SH3PXD2A: variants seen among roughly 807,000 people sequenced by gnomAD.
The protein encoded by SH3PXD2A is SH3 and PX domains 2A.
In SH3PXD2A, 32 loss-of-function variants were observed where a neutral mutation model predicts 115.2. The ratio of observed to expected loss-of-function variants is 0.28; its 90% CI spans 0.21 to 0.37. SH3PXD2A has a LOEUF of 0.37. Among genes scored for constraint, SH3PXD2A ranks in the 10% least tolerant of loss-of-function variants. The pLI is 1.00. For missense variants in SH3PXD2A, 1,328 were observed against 1,498.7 expected, an observed-to-expected ratio of 0.89 and a Z score of 1.88; for synonymous variants, 610 against 629.1, an observed-to-expected ratio of 0.97 and a Z score of 0.45.
rs140528695 is a variant in SH3PXD2A at position 103,647,138 on chromosome 10, C to T, written c.604+13845G>A. Among the ~76,000 whole-genome samples, 613 of 152,226 alleles carry T rather than the reference C, an allele frequency of 4.0e-3. 30 individuals carry two copies. Among genetic ancestry groups the T allele is most frequent in the Admixed American group, 0.037 (568 of 15,288 alleles). On this transcript the variant is annotated intron_variant, in intron 8 of 14. Coordinates refer to ENST00000369774, the MANE Select transcript of SH3PXD2A (RefSeq NM_001394015.1). ...CAGGCCAAGATACCCCCAATGAGTC[C>T]CAGCTGTCACCCATGAGGAGCCACA...
intron 8 of SH3PXD2A, among the ~76,000 whole-genome samples, chr10:103,654,467 C>T (rs769591424): frequency 4.6e-5 from 7 of 152,182 alleles, no homozygotes; most frequent in African/African-American, 9.7e-5. Context: ...GTCCCAGGGT[C>T]GATCTGTGGC....
chr10:103,618,378 C>A (rs1340447770), intron 10 of SH3PXD2A, among the ~76,000 whole-genome samples: 3 of 152,192 alleles, frequency 2.0e-5, no homozygotes, highest in Non-Finnish European at 4.4e-5. Flanking sequence ...ATAGGTAGAC[C>A]CCAGAGCTGA....
chr10:103,654,146 G>A (rs149826180), intron 8 of SH3PXD2A, among the ~76,000 whole-genome samples: 6 of 152,062 alleles, frequency 3.9e-5, no homozygotes, highest in Non-Finnish European at 5.9e-5. Context: ...GACCATCAGC[G>A]TGGGGTTGTC....
intron 13 of SH3PXD2A, among the ~76,000 whole-genome samples, chr10:103,610,563 A>G (rs1473573548): frequency 1.3e-5 from 2 of 151,924 alleles, no homozygotes; most frequent in African/African-American, 4.8e-5. Context: ...TGGAGGGCCT[A>G]CTCTTCCATA....
At position 103,796,336 on chromosome 10, in the gene SH3PXD2A, C is replaced by T. The variant is rs189991791; in HGVS notation, c.153+4946G>A. Reference sequence around the variant, plus strand: ...CATGATCACACCACTGCACTCCAGCCTGGGCGACACAGCGAGACCCTGTCT... The same window carrying T: ...CATGATCACACCACTGCACTCCAGCTTGGGCGACACAGCGAGACCCTGTCT... On this transcript the variant is annotated intron_variant, in intron 2 of 14. Transcript: ENST00000369774. Among the ~76,000 whole-genome samples the T allele has an allele frequency of 2.3e-3, 347 of 151,280 alleles. 1 individual carries two copies. The highest frequency in any genetic ancestry group is 0.021 in the South Asian group (100 of 4,764).
intron 6 of SH3PXD2A, among the ~76,000 whole-genome samples, chr10:103,683,783 C>T (rs776999695): frequency 5.9e-5 from 9 of 152,204 alleles, no homozygotes; most frequent in Non-Finnish European, 1.2e-4. Context: ...CCCTTCAGCC[C>T]ATCACAATCT....
At position 103,601,589 on chromosome 10, in the gene SH3PXD2A, T is replaced by C; in HGVS notation, c.*227A>G. ...TCTGGGTCCCAGGCCTGGGACTCCC[T>C]GGTCCATTCCCTTCCTCACTCAGTG... On this transcript the variant is annotated 3_prime_UTR_variant, in exon 15 of 15. Coordinates refer to ENST00000369774, the MANE Select transcript of SH3PXD2A (RefSeq NM_001394015.1). 1 of 478,078 alleles carries C rather than the reference T, an allele frequency of 2.1e-6. No individual in the cohort carries two copies. Among genetic ancestry groups the C allele is most frequent in the East Asian group, 3.8e-5 (1 of 26,500 alleles). The allele number at this position is 478,078 out of a possible 1,614,324, so 29.6% of individuals were successfully genotyped here. A position where few individuals can be genotyped will look rare whatever the true frequency, so the allele number is the denominator to read the frequency against.
At chr10:103,736,864 G>T (rs1385667522) in intron 3 of SH3PXD2A, 3 of 989,234 alleles carry the variant, frequency 3.0e-6, no homozygotes, top group Non-Finnish European at 4.2e-6. Context: ...TCCTTGTGGT[G>T]TCAGTCAGTC....
chr10:103,818,687 T>C (rs1300518253), intron 1 of SH3PXD2A, among the ~76,000 whole-genome samples: 6 of 152,154 alleles, frequency 3.9e-5, no homozygotes, highest in Non-Finnish European at 8.8e-5. Context: ...GTTCTGACAC[T>C]GGAAGATCCT....
chr10:103,740,279 A>G (rs1589436432), intron 3 of SH3PXD2A, among the ~76,000 whole-genome samples: 1 of 152,142 alleles, frequency 6.6e-6, no homozygotes, highest in Non-Finnish European at 1.5e-5. Context: ...CTGAGCTGGG[A>G]TTTCAACCTG....
intron 3 of SH3PXD2A, among the ~76,000 whole-genome samples, chr10:103,737,868 C>T (rs978887891): frequency 2.0e-5 from 3 of 152,190 alleles, no homozygotes; most frequent in East Asian, 3.8e-4. Context: ...AAGCATTGGT[C>T]GCCAGCCCTG....
rs902562062 is a variant in SH3PXD2A at position 103,784,241 on chromosome 10, A to G, written c.153+17041T>C. On this transcript the variant is annotated intron_variant, in intron 2 of 14. Coordinates refer to ENST00000369774, the MANE Select transcript of SH3PXD2A (RefSeq NM_001394015.1). This position sits in a 1 kb window ranked among gnomAD's most constrained non-coding sequence, Gnocchi z 4.4. Reference sequence around the variant, plus strand: ...CCAGGTCCCGCCCTCCCTGGACTTCAGACCCCAAGAGGTCACAGAAGCAGG... The same window carrying G: ...CCAGGTCCCGCCCTCCCTGGACTTCGGACCCCAAGAGGTCACAGAAGCAGG... Among the ~76,000 whole-genome samples, 10 of 152,306 alleles carry G rather than the reference A, an allele frequency of 6.6e-5. No homozygotes were observed. The highest frequency in any genetic ancestry group is 5.2e-4 in the Admixed American group (8 of 15,302).
At chr10:103,669,747 C>A (rs551864386) in intron 6 of SH3PXD2A, among the ~76,000 whole-genome samples, 1 of 152,228 alleles carries the variant, frequency 6.6e-6, no homozygotes, top group Admixed American at 6.5e-5. Flanking sequence ...TAAAAGGCAA[C>A]GCTGAATTGC....
chr10:103,696,329 T>C (rs916109047), intron 5 of SH3PXD2A, among the ~76,000 whole-genome samples: 2 of 152,148 alleles, frequency 1.3e-5, no homozygotes, highest in Non-Finnish European at 2.9e-5. Context: ...AGTTTAGGTA[T>C]CCAGTGGCTG....
intron 1 of SH3PXD2A, among the ~76,000 whole-genome samples, chr10:103,836,359 A>G (rs1277211641): frequency 6.6e-6 from 1 of 151,460 alleles, no homozygotes; most frequent in African/African-American, 2.4e-5. Flanking sequence ...ACTCACAGCT[A>G]CACACAGACA....
chr10:103,643,514 A>C (rs1302882816), intron 8 of SH3PXD2A, among the ~76,000 whole-genome samples: 1 of 152,232 alleles, frequency 6.6e-6, no homozygotes, highest in Non-Finnish European at 1.5e-5. Flanking sequence ...ATACAATGAA[A>C]CAATGCCATG....
intron 6 of SH3PXD2A, among the ~76,000 whole-genome samples, chr10:103,681,843 G>C (rs1027549920): frequency 3.3e-5 from 5 of 152,168 alleles, no homozygotes; most frequent in African/African-American, 4.8e-5. Context: ...GGGAGGCCGA[G>C]GTGGGTGGAC....
At chr10:103,641,697 T>C (rs1231992459) in intron 8 of SH3PXD2A, among the ~76,000 whole-genome samples, 2 of 152,178 alleles carry the variant, frequency 1.3e-5, no homozygotes, top group Non-Finnish European at 2.9e-5. Context: ...TACGAAGCCC[T>C]GAGTCTTGGA....
chr10:103,615,737 T>C (rs1182293918), intron 11 of SH3PXD2A, among the ~76,000 whole-genome samples: 1 of 151,924 alleles, frequency 6.6e-6, no homozygotes, highest in Non-Finnish European at 1.5e-5. Flanking sequence ...AGTGACTTTG[T>C]TGGTCATTTT....
Sources: allele counts gnomAD v4.1 joint callset (sites outside exome capture counted in the v4.1 genomes callset), GRCh38; gene constraint gnomAD v4.1.1; non-coding constraint Gnocchi (gnomAD v3.1); transcripts MANE v1.5; gene names NCBI Gene and HGNC (gene_info 2026-07-23, HGNC 2026-07-21).